Variants in PTDSS2 observed in about 807,000 individuals in gnomAD.
PTDSS2 encodes the protein PSS-2.
In PTDSS2, 41 loss-of-function variants were observed where a neutral mutation model predicts 64.7. That is an observed-to-expected ratio of 0.63 (90% CI 0.49 to 0.82). PTDSS2 has a LOEUF of 0.82. Among genes scored for constraint, PTDSS2 ranks in the 40% least tolerant of loss-of-function variants. PTDSS2 has a pLI of 0.00. For missense variants in PTDSS2, 485 were observed against 650.0 expected, an observed-to-expected ratio of 0.75 and a Z score of 2.76; for synonymous variants, 297 against 277.8, an observed-to-expected ratio of 1.07 and a Z score of -0.69.
rs1321242204 is a variant in PTDSS2, at chr11:491,382, C to G, written c.*800C>G. ...ATAAAGTGACAACGAACGTCTGAGG[C>G]TTCCAGCCCTCCCCCCAGCTCCCCG... On this transcript the variant is annotated 3_prime_UTR_variant, in exon 12 of 12. Transcript: ENST00000308020. 1 of 152,464 alleles carries G rather than the reference C, an allele frequency of 6.6e-6. No homozygotes were observed. Among genetic ancestry groups the G allele is most frequent in the Admixed American group, 6.5e-5 (1 of 15,294 alleles). The allele number at this position is 152,464 out of a possible 1,614,324, so 9.4% of individuals were successfully genotyped here.
rs1470563114 is a variant in PTDSS2, at chr11:450,282, A to G, written c.-174A>G. ...CCCCGCGCGGACTACAAGCCCCACA[A>G]TGCACCGCACACCCTTTACTGGCCG... On this transcript the variant is annotated 5_prime_UTR_variant, in exon 1 of 12. The change abolishes an upstream ATG in the 5' untranslated region. Transcript: ENST00000308020. 2.2e-6 allele frequency: 1 copy of G among 444,984 alleles called. No individual in the cohort carries two copies. The highest frequency in any genetic ancestry group is 3.8e-5 in the East Asian group (1 of 25,980). The allele number at this position is 444,984 out of a possible 1,614,324, so 27.6% of individuals were successfully genotyped here.
chr11:450,346 C>A lies in PTDSS2; in HGVS notation c.-110C>A. On this transcript the variant is annotated 5_prime_UTR_variant, in exon 1 of 12. Transcript: ENST00000308020. Reference sequence around the variant, plus strand: ...CTCCTAAGACCCCGCGGGCCAGCGCCGCGACCCCTTCCCAGCGCTCCTCGC... The same window carrying A: ...CTCCTAAGACCCCGCGGGCCAGCGCAGCGACCCCTTCCCAGCGCTCCTCGC... 1 of 1,013,940 alleles carries A rather than the reference C, an allele frequency of 9.9e-7. No homozygotes were observed. The allele number at this position is 1,013,940 out of a possible 1,614,324, so 62.8% of individuals were successfully genotyped here.
At chr11:456,088 C>T (rs997482705) in intron 1 of PTDSS2, among the ~76,000 whole-genome samples, 4 of 152,166 alleles carry the variant, frequency 2.6e-5, no homozygotes, top group Non-Finnish European at 5.9e-5. Flanking sequence ...CCACCGCGCT[C>T]CTGGCTGTCA....
chr11:457,416 G>C (rs1461672154), intron 1 of PTDSS2, among the ~76,000 whole-genome samples: 3 of 152,258 alleles, frequency 2.0e-5, no homozygotes, highest in Non-Finnish European at 4.4e-5. Context: ...GGCGTCTGTA[G>C]CGTGTTTTTC....
rs1457304477 is a variant in PTDSS2 at position 489,430 on chromosome 11, C to G, written c.885C>G (p.Phe295Leu). 1 of 1,613,498 alleles carries G rather than the reference C, an allele frequency of 6.2e-7. No homozygotes were observed. Among genetic ancestry groups the G allele is most frequent in the Non-Finnish European group, 8.5e-7 (1 of 1,179,884 alleles). The change falls in exon 9 of 12, where the codon TTC becomes TTG. Residue 295 changes from phenylalanine to leucine, a missense_variant. Around this residue, in one of 3 missense-constraint regions of PTDSS2, gnomAD observed 15 missense variants for 44.7 expected, o/e 0.34. Coordinates refer to ENST00000308020, the MANE Select transcript of PTDSS2 (RefSeq NM_030783.3). ...KGKMKRIAFQFTPYSWVRFEW... is the reference protein window; with the variant it reads ...KGKMKRIAFQLTPYSWVRFEW... ...AGATGAAGAGGATCGCCTTCCAGTT[C>G]ACGCCGTACAGCTGGGTTCGCTTCG... is the stretch of plus-strand genomic sequence containing the variant.
chr11:455,426 G>A (rs1846541042), intron 1 of PTDSS2, among the ~76,000 whole-genome samples: 1 of 152,198 alleles, frequency 6.6e-6, no homozygotes, highest in Non-Finnish European at 1.5e-5. Flanking sequence ...GCCAGGCAGA[G>A]TCCTGCTCCC....
chr11:455,206 G>A (rs914305032), intron 1 of PTDSS2, among the ~76,000 whole-genome samples: 2 of 152,236 alleles, frequency 1.3e-5, no homozygotes, highest in African/African-American at 4.8e-5. Context: ...CATGTGAGCA[G>A]GTTGATGGGC....
In PTDSS2 at chr11:460,003, C is replaced by T. The variant is rs1590618920; in HGVS notation, c.183-184C>T. 1.7e-6 allele frequency: 1 copy of T among 588,922 alleles called. No individual in the cohort carries two copies. Among genetic ancestry groups the T allele is most frequent in the Non-Finnish European group, 3.1e-6 (1 of 324,286 alleles). 36.5% of individuals were successfully genotyped at this position (588,922 alleles called of 1,614,324 possible). A position where few individuals can be genotyped will look rare whatever the true frequency, so the allele number is the denominator to read the frequency against. On this transcript the variant is annotated intron_variant, in intron 1 of 11. Transcript: ENST00000308020. This position sits in a 1 kb window ranked among gnomAD's most constrained non-coding sequence, Gnocchi z 5.8. ...GGGGGCTGGTCTCAGCCCTGACTGG[C>T]CAGCAGACGCAGGGTCATCTCGGAG...
chr11:487,228 CATG>C (rs1291147525), intron 5 of PTDSS2, 155 bp downstream of exon 5: 5 of 979,328 alleles, frequency 5.1e-6, no homozygotes, highest in Non-Finnish European at 7.7e-6. Context: ...GGATGGTGCT[CATG>C]GTGGGCAGGG....
At chr11:487,206 C>T in intron 5 of PTDSS2, 133 bp downstream of exon 5, 8 of 1,028,262 alleles carry the variant, frequency 7.8e-6, no homozygotes, top group East Asian at 2.4e-5. Flanking sequence ...TGTGCTGAGG[C>T]CCTGTCCGTC....
Position 490,021 on chromosome 11 carries a change from C to A in PTDSS2, c.1254C>A (p.Leu418=). The A allele has an allele frequency of 6.2e-7, 1 of 1,611,524 alleles. No individual in the cohort carries two copies. Among genetic ancestry groups the A allele is most frequent in the Non-Finnish European group, 8.5e-7 (1 of 1,179,958 alleles). Reference sequence around the variant, plus strand: ...TCTACATCTCCCAGTGCTGGACCCTCGGCTCCGTCCTGGCGCTCACCTGGA... The same window carrying A: ...TCTACATCTCCCAGTGCTGGACCCTAGGCTCCGTCCTGGCGCTCACCTGGA... ...LPFYISQCWT[L]GSVLALTWTV... The change falls in exon 11 of 12, where the codon CTC becomes CTA. Residue 418 remains leucine, a synonymous_variant. Coordinates refer to ENST00000308020, the MANE Select transcript of PTDSS2 (RefSeq NM_030783.3).
chr11:450,929 T>G (rs1476524421), intron 1 of PTDSS2, among the ~76,000 whole-genome samples: 1 of 136,318 alleles, frequency 7.3e-6, no homozygotes, highest in Non-Finnish European at 1.6e-5. Flanking sequence ...CCTGCCCGCC[T>G]TGGCTCTGAC....
chr11:464,804 C>T (rs1358601185), intron 2 of PTDSS2, among the ~76,000 whole-genome samples: 1 of 152,142 alleles, frequency 6.6e-6, no homozygotes, highest in Admixed American at 6.6e-5. Flanking sequence ...ACATTTTACT[C>T]AATAAAATAC....
chr11:466,759 T>G (rs897416412), intron 2 of PTDSS2, among the ~76,000 whole-genome samples: 1 of 152,114 alleles, frequency 6.6e-6, no homozygotes, highest in Non-Finnish European at 1.5e-5. Flanking sequence ...CCTCACTACA[T>G]GAGAACAGCA....
rs1847607349 is a variant in PTDSS2 at position 474,125 on chromosome 11, A to G, written c.367+148A>G. 7 of 731,162 alleles carry G rather than the reference A, an allele frequency of 9.6e-6. No individual in the cohort carries two copies. The Admixed American group carries it at 1.3e-4, about 14-fold the overall frequency. 45.3% of individuals were successfully genotyped at this position (731,162 alleles called of 1,614,324 possible). A position where few individuals can be genotyped will look rare whatever the true frequency, so the allele number is the denominator to read the frequency against. On this transcript the variant is annotated intron_variant, in intron 3 of 11. Transcript: ENST00000308020. ...CTCCGAGGCCACTTCCCACATGGAC[A>G]AGGGCGTGGGGTTCTGAGCTGGCCG...
rs1258736505 is a variant in PTDSS2 at position 476,171 on chromosome 11, C to T, written c.367+2194C>T. Among the ~76,000 whole-genome samples the T allele has an allele frequency of 6.6e-6, 1 of 152,218 alleles. No homozygotes were observed. Among genetic ancestry groups the T allele is most frequent in the Non-Finnish European group, 1.5e-5 (1 of 68,032 alleles). On this transcript the variant is annotated intron_variant, in intron 3 of 11. Transcript: ENST00000308020. This position sits in a 1 kb window ranked among gnomAD's most constrained non-coding sequence, Gnocchi z 4.9. ...CTTGAGTGCCTGGCAGGCCACTCTG[C>T]TGGCTGACAGCTGTGTGGGAAGGGC...
At chr11:486,006 C>T (rs116717255) in intron 4 of PTDSS2, among the ~76,000 whole-genome samples, 3,175 of 144,012 alleles carry the variant, frequency 0.022, 360 homozygotes, top group African/African-American at 0.076. Flanking sequence ...AAGCAGTGCA[C>T]GGGCGCGCGT....
chr11:459,105 G>A (rs939103860), intron 1 of PTDSS2: 12 of 113,520 alleles, frequency 1.1e-4, no homozygotes, highest in African/African-American at 4.1e-4. Context: ...GGGACACTCC[G>A]GTGGATGTCG....
At position 490,917 on chromosome 11, in the gene PTDSS2, G is replaced by T; in HGVS notation, c.*335G>T. The T allele has an allele frequency of 3.0e-6, 1 of 329,552 alleles. No individual in the cohort carries two copies. The highest frequency in any genetic ancestry group is 5.9e-5 in the East Asian group (1 of 16,832). The allele number at this position is 329,552 out of a possible 1,614,324, so 20.4% of individuals were successfully genotyped here. A position where few individuals can be genotyped will look rare whatever the true frequency, so the allele number is the denominator to read the frequency against. ...TGGCGTGGCAAGGGCATGCTCTGGG[G>T]CAGTGTGTCCCTCAGGAACCAGGGT... is the stretch of plus-strand genomic sequence containing the variant. On this transcript the variant is annotated 3_prime_UTR_variant, in exon 12 of 12. Coordinates refer to ENST00000308020, the MANE Select transcript of PTDSS2 (RefSeq NM_030783.3).
Sources: gnomAD v4.1 joint callset for allele counts (sites outside exome capture counted in the v4.1 genomes callset) on GRCh38, gnomAD v4.1.1 for gene constraint, gnomAD v4.1.1 regional missense constraint, Gnocchi (gnomAD v3.1) non-coding constraint, MANE v1.5 for transcripts, NCBI Gene and HGNC (gene_info 2026-07-23, HGNC 2026-07-21) for gene names.